Variants in CBFA2T3 observed in about 807,000 individuals in gnomAD.
CBFA2T3 encodes the protein CBFA2/RUNX1 partner transcriptional co-repressor 3.
Under a neutral mutation model 58.6 loss-of-function variants are expected in CBFA2T3, and 31 were observed. The ratio of observed to expected loss-of-function variants is 0.53; its 90% CI spans 0.40 to 0.71. CBFA2T3 has a LOEUF of 0.71. CBFA2T3 is among the 30% of genes least tolerant of loss of function. The pLI, the probability that CBFA2T3 is intolerant of heterozygous loss-of-function variation, is 0.00. For synonymous variants in CBFA2T3, 531 were observed against 421.9 expected (o/e 1.26, Z -3.17); for missense variants, 1,076 against 963.1 (o/e 1.12, Z -1.55).
At chr16:88,951,685 G>A (rs779404209) in intron 1 of CBFA2T3, among the ~76,000 whole-genome samples, 3 of 151,834 alleles carry the variant, frequency 2.0e-5, no homozygotes, top group Non-Finnish European at 4.4e-5. Context: ...CGGCCCCAGC[G>A]ATTGGTCCAG....
intron 1 of CBFA2T3, among the ~76,000 whole-genome samples, chr16:88,943,893 G>A (rs930151527): frequency 2.6e-5 from 4 of 152,168 alleles, no homozygotes; most frequent in African/African-American, 7.2e-5. Flanking sequence ...CGTCACCTGT[G>A]CGGGAGACAG....
chr16:88,937,215 G>A (rs1442414451), intron 1 of CBFA2T3: 1 of 152,242 alleles, frequency 6.6e-6, no homozygotes, highest in East Asian at 1.9e-4. Flanking sequence ...AAAACCCCCA[G>A]GAAAGGATCT....
Position 88,977,023 on chromosome 16 carries a change from G to A in CBFA2T3, c.-216C>T. 2.0e-6 allele frequency: 1 copy of A among 491,326 alleles called. No homozygotes were observed. Among genetic ancestry groups the A allele is most frequent in the Non-Finnish European group, 3.6e-6 (1 of 275,968 alleles). 30.4% of individuals were successfully genotyped at this position (491,326 alleles called of 1,614,324 possible). On this transcript the variant is annotated 5_prime_UTR_variant, in exon 1 of 12. Transcript: ENST00000268679. ...AGGGGGTGGGAGCCCTGGGGCTCAT[G>A]TGACGCGGGGCGGGCCTGGGGCTGC...
intron 1 of CBFA2T3, among the ~76,000 whole-genome samples, chr16:88,954,396 C>CCCCCCCAAGG (rs1240731785): frequency 1.4e-5 from 2 of 140,666 alleles, no homozygotes; most frequent in Non-Finnish European, 3.0e-5. Context: ...GACTCCTGAC[C>CCCCCCCAAGG]CTACCCAAGA....
At chr16:88,965,486 G>A (rs145372228) in intron 1 of CBFA2T3, among the ~76,000 whole-genome samples, 276 of 152,326 alleles carry the variant, frequency 1.8e-3, no homozygotes, top group African/African-American at 5.9e-3. Flanking sequence ...TACTTGGTGC[G>A]CAGCGCCAGC....
At chr16:88,910,066 C>T (rs971715691) in intron 1 of CBFA2T3, among the ~76,000 whole-genome samples, 1 of 152,210 alleles carries the variant, frequency 6.6e-6, no homozygotes, top group Non-Finnish European at 1.5e-5. Context: ...TGGCTGTCCC[C>T]TCTGGCCTCA....
intron 11 of CBFA2T3, among the ~76,000 whole-genome samples, chr16:88,877,698 T>A (rs1434720596): frequency 6.6e-6 from 1 of 151,296 alleles, no homozygotes; most frequent in Non-Finnish European, 1.5e-5. Context: ...CTGCCTCTGC[T>A]GCACCCCCTC....
intron 1 of CBFA2T3, among the ~76,000 whole-genome samples, chr16:88,904,112 C>T (rs568580940): frequency 4.0e-5 from 6 of 151,804 alleles, no homozygotes; most frequent in Non-Finnish European, 5.9e-5. Context: ...TGCGTGCTCA[C>T]GGCCACCACC....
chr16:88,950,957 C>T (rs1197909767), intron 1 of CBFA2T3: 1 of 426,686 alleles, frequency 2.3e-6, no homozygotes, highest in Non-Finnish European at 4.6e-6. Context: ...TGGACCGGCA[C>T]CGCCACAGAG....
In CBFA2T3 at chr16:88,875,334, G is replaced by A; in HGVS notation, c.*1642C>T. The A allele has an allele frequency of 4.3e-6, 1 of 233,876 alleles. No homozygotes were observed. Among genetic ancestry groups the A allele is most frequent in the Non-Finnish European group, 8.5e-6 (1 of 118,320 alleles). The allele number at this position is 233,876 out of a possible 1,614,324, so 14.5% of individuals were successfully genotyped here. Reference sequence around the variant, plus strand: ...GCTGAGGCAGTTGAGAGGAGTGGAGGGAGGGTGGGCAGGGCTGGAGGATGG... The same window carrying A: ...GCTGAGGCAGTTGAGAGGAGTGGAGAGAGGGTGGGCAGGGCTGGAGGATGG... On this transcript the variant is annotated 3_prime_UTR_variant, in exon 12 of 12. Coordinates refer to ENST00000268679, the MANE Select transcript of CBFA2T3 (RefSeq NM_005187.6).
At chr16:88,890,648 G>A (rs1001182804) in intron 5 of CBFA2T3, among the ~76,000 whole-genome samples, 1 of 152,238 alleles carries the variant, frequency 6.6e-6, no homozygotes, top group East Asian at 1.9e-4. Flanking sequence ...CGGCACTCCC[G>A]TGCCCGTCCC....
At chr16:88,913,772 A>G (rs1970602213) in intron 1 of CBFA2T3, among the ~76,000 whole-genome samples, 1 of 152,190 alleles carries the variant, frequency 6.6e-6, no homozygotes, top group Non-Finnish European at 1.5e-5. Flanking sequence ...AATAAATACG[A>G]TGACTCCTCA....
At chr16:88,896,938 A>G (rs908434748) in intron 3 of CBFA2T3, among the ~76,000 whole-genome samples, 10 of 152,232 alleles carry the variant, frequency 6.6e-5, no homozygotes, top group African/African-American at 1.9e-4. Flanking sequence ...GACGCCAAAA[A>G]TAACCCCGGC....
chr16:88,932,132 G>A (rs1400208530), intron 1 of CBFA2T3, among the ~76,000 whole-genome samples: 1 of 151,764 alleles, frequency 6.6e-6, no homozygotes, highest in Non-Finnish European at 1.5e-5. Context: ...GGCTGCTGTC[G>A]TCGGGAAGAC....
At chr16:88,907,512 C>T (rs1970377994) in intron 1 of CBFA2T3, among the ~76,000 whole-genome samples, 1 of 152,028 alleles carries the variant, frequency 6.6e-6, no homozygotes, top group Non-Finnish European at 1.5e-5. Flanking sequence ...ACTCTGTCCT[C>T]ACGGATTCTT....
At chr16:88,973,909 T>TA (rs35148767) in intron 1 of CBFA2T3, among the ~76,000 whole-genome samples, 3 of 151,022 alleles carry the variant, frequency 2.0e-5, no homozygotes, top group Admixed American at 1.3e-4. Context: ...CCATAACATC[T>TA]CCCGCCTTGC....
intron 1 of CBFA2T3, among the ~76,000 whole-genome samples, chr16:88,914,848 T>C (rs1404457099): frequency 1.3e-5 from 2 of 152,210 alleles, no homozygotes; most frequent in Non-Finnish European, 2.9e-5. Flanking sequence ...TGGGGCCTGC[T>C]TGCCCCGTGG....
intron 1 of CBFA2T3, among the ~76,000 whole-genome samples, chr16:88,916,040 G>A (rs548952819): frequency 4.0e-5 from 6 of 151,128 alleles, no homozygotes; most frequent in African/African-American, 7.3e-5. Context: ...GTGTGCACTC[G>A]TGTACACATG....
At chr16:88,899,906 G>A (rs574956661) in intron 2 of CBFA2T3, among the ~76,000 whole-genome samples, 1 of 152,298 alleles carries the variant, frequency 6.6e-6, no homozygotes, top group South Asian at 2.1e-4. Flanking sequence ...TGGGCTCGGT[G>A]TGGTCGCAAG....
Sources: gnomAD v4.1 joint callset for allele counts (sites outside exome capture counted in the v4.1 genomes callset) on GRCh38, gnomAD v4.1.1 for gene constraint, MANE v1.5 for transcripts, NCBI Gene and HGNC (gene_info 2026-07-23, HGNC 2026-07-21) for gene names.